PRELID2: variants seen among roughly 807,000 people sequenced by gnomAD.
PRELID2 encodes the protein PRELI domain containing 2.
Under a neutral mutation model 28.4 loss-of-function variants are expected in PRELID2, and 25 were observed. The observed-to-expected ratio is 0.88, with a 90% CI of 0.64 to 1.23. PRELID2 has a LOEUF of 1.23. Among genes scored for constraint, PRELID2 ranks in the 50% most tolerant of loss-of-function variants. The probability of loss-of-function intolerance (pLI) is 0.00; values close to 1 mark genes in which losing one functional copy is unlikely to be tolerated. For synonymous variants in PRELID2, 76 were observed against 71.6 expected (o/e 1.06, Z -0.31); for missense variants, 201 against 214.4 (o/e 0.94, Z 0.39).
the PRELID2 span, among the ~76,000 whole-genome samples, chr5:145,436,168 T>TTAGCTCCCAC: frequency 1.3e-5 from 2 of 152,166 alleles, no homozygotes; most frequent in African/African-American, 2.4e-5. Context: ...AGCTCCCACT[T>TTAGCTCCCAC]ATAAGTGACA....
intron 1 of PRELID2, among the ~76,000 whole-genome samples, chr5:145,601,274 GA>G (rs200540995): frequency 6.6e-6 from 1 of 151,884 alleles, no homozygotes; most frequent in Non-Finnish European, 1.5e-5. Context: ...AACAGTTGAT[GA>G]AAAAACTGAA....
the PRELID2 span, among the ~76,000 whole-genome samples, chr5:145,340,384 C>T: frequency 6.6e-6 from 1 of 152,124 alleles, no homozygotes; most frequent in African/African-American, 2.4e-5. Context: ...CCACATCACA[C>T]CAGCTGCCCA....
chr5:145,531,939 A>T (rs1345351210), intron 1 of PRELID2, among the ~76,000 whole-genome samples: 1 of 152,150 alleles, frequency 6.6e-6, no homozygotes, highest in Non-Finnish European at 1.5e-5. Flanking sequence ...TCGTGTCTTT[A>T]AGTTGGTTTG....
chr5:145,540,737 T>A (rs1298765673), intron 1 of PRELID2, among the ~76,000 whole-genome samples: 1 of 148,714 alleles, frequency 6.7e-6, no homozygotes, highest in African/African-American at 2.5e-5. Flanking sequence ...GACAGGAGAC[T>A]GTTTTGGGGA....
chr5:145,284,430 C>T, the PRELID2 span, among the ~76,000 whole-genome samples: 1 of 152,074 alleles, frequency 6.6e-6, no homozygotes. Flanking sequence ...TGTTAAATTT[C>T]ATCAGTCACA....
At chr5:145,766,424 C>T (rs1034791362) in intron 5 of PRELID2, among the ~76,000 whole-genome samples, 5 of 152,128 alleles carry the variant, frequency 3.3e-5, no homozygotes, top group Admixed American at 1.3e-4. Flanking sequence ...GGACTTCCTA[C>T]TTGGGATCTA....
the PRELID2 span, among the ~76,000 whole-genome samples, chr5:145,460,158 C>G: frequency 2.0e-5 from 3 of 152,180 alleles, no homozygotes; most frequent in South Asian, 6.2e-4. Flanking sequence ...CAATTCATGT[C>G]ATTAACTAGT....
intron 1 of PRELID2, among the ~76,000 whole-genome samples, chr5:145,649,233 A>G (rs968180998): frequency 2.6e-5 from 4 of 152,206 alleles, no homozygotes; most frequent in Non-Finnish European, 5.9e-5. Flanking sequence ...ATACGCAAAT[A>G]CTATGCCATT....
At chr5:145,692,233 TG>T (rs1309603966) in intron 1 of PRELID2, among the ~76,000 whole-genome samples, 1 of 152,194 alleles carries the variant, frequency 6.6e-6, no homozygotes, top group Non-Finnish European at 1.5e-5. Flanking sequence ...TAATGCTTAT[TG>T]AGTTGATTGG....
intron 1 of PRELID2, among the ~76,000 whole-genome samples, chr5:145,825,715 G>C (rs555206897): frequency 1.6e-3 from 238 of 152,292 alleles, no homozygotes; most frequent in Non-Finnish European, 2.6e-3. Flanking sequence ...AATTTTTGGA[G>C]TTGAACAGCC....
At chr5:145,299,216 C>A in the PRELID2 span, among the ~76,000 whole-genome samples, 1 of 151,950 alleles carries the variant, frequency 6.6e-6, no homozygotes, top group Non-Finnish European at 1.5e-5. Context: ...GTTAACATAA[C>A]AATATCATTC....
the PRELID2 span, among the ~76,000 whole-genome samples, chr5:145,311,307 C>T: frequency 1.3e-5 from 2 of 151,428 alleles, no homozygotes; most frequent in South Asian, 4.2e-4. Flanking sequence ...AGCGTGACAC[C>T]AGAACACTGT....
intron 1 of PRELID2, among the ~76,000 whole-genome samples, chr5:145,562,864 C>T (rs957704649): frequency 6.6e-6 from 1 of 151,932 alleles, no homozygotes; most frequent in Non-Finnish European, 1.5e-5. Context: ...CACTTTAGGC[C>T]AAAGTAGAGT....
At chr5:145,671,156 A>G (rs1175276848) in intron 1 of PRELID2, among the ~76,000 whole-genome samples, 1 of 152,226 alleles carries the variant, frequency 6.6e-6, no homozygotes, top group Non-Finnish European at 1.5e-5. Context: ...GTCTTTATAA[A>G]GAGCAAAACT....
chr5:145,645,338 C>CTTTTTTTTTT (rs35732947), intron 1 of PRELID2, among the ~76,000 whole-genome samples: 3 of 47,860 alleles, frequency 6.3e-5, no homozygotes, highest in African/African-American at 2.4e-4. Context: ...GCAACTCCTG[C>CTTTTTTTTTT]TTTTTTTTTT....
chr5:145,621,031 A>T (rs1389461262), intron 1 of PRELID2, among the ~76,000 whole-genome samples: 1 of 152,204 alleles, frequency 6.6e-6, no homozygotes, highest in South Asian at 2.1e-4. Flanking sequence ...AAATAAAAAT[A>T]ATATATTTGA....
the PRELID2 span, among the ~76,000 whole-genome samples, chr5:145,456,518 A>C: frequency 3.4e-4 from 51 of 152,126 alleles, no homozygotes; most frequent in African/African-American, 1.1e-3. Context: ...TTGCACCCTT[A>C]ATCTCCGACA....
intron 1 of PRELID2, among the ~76,000 whole-genome samples, chr5:145,681,841 C>T (rs946168976): frequency 2.6e-5 from 4 of 152,164 alleles, no homozygotes; most frequent in Non-Finnish European, 4.4e-5. Context: ...CATAAGTACA[C>T]AGTAAATATT....
chr5:145,732,391 A>G (rs896066997), intron 1 of PRELID2, among the ~76,000 whole-genome samples: 9 of 152,234 alleles, frequency 5.9e-5, no homozygotes, highest in African/African-American at 2.2e-4. Context: ...GGAAGAGTTC[A>G]TATAGATCAC....
Sources: allele counts gnomAD v4.1 joint callset (sites outside exome capture counted in the v4.1 genomes callset), GRCh38; gene constraint gnomAD v4.1.1; transcripts MANE v1.5; gene names NCBI Gene and HGNC (gene_info 2026-07-23, HGNC 2026-07-21).